Variants in STK31 observed in about 807,000 individuals in gnomAD.
The protein encoded by STK31 is serine/threonine kinase 31, also known as serine/threonine-protein kinase 31.
Under a neutral mutation model 129.7 loss-of-function variants are expected in STK31, and 89 were observed. That is an observed-to-expected ratio of 0.69 (90% confidence interval 0.58 to 0.82). STK31 has a LOEUF of 0.82. Among genes scored for constraint, STK31 ranks in the 40% least tolerant of loss-of-function variants. The pLI is 0.00. For missense variants in STK31, 1,187 were observed against 1,176.4 expected (o/e 1.01, Z -0.13); for synonymous variants, 448 against 395.3 (o/e 1.13, Z -1.58).
intron 8 of STK31, among the ~76,000 whole-genome samples, chr7:23,737,382 T>C (rs767266858): frequency 1.3e-5 from 2 of 152,240 alleles, no homozygotes; most frequent in Admixed American, 6.5e-5. Flanking sequence ...TTAATTCTCA[T>C]GTGCCCATCA....
intron 11 of STK31, among the ~76,000 whole-genome samples, chr7:23,766,492 G>A (rs1212261558): frequency 6.6e-6 from 1 of 152,164 alleles, no homozygotes; most frequent in African/African-American, 2.4e-5. Flanking sequence ...GACCTCGAGT[G>A]ATCCGCCTCT....
chr7:23,735,912 T>A lies in STK31; in HGVS notation c.842+16T>A. Reference sequence around the variant, plus strand: ...CATTTCCAAAGTAAGAATTTAGTCTTCACTAATTTCTAATTGATGGTAGAG... The same window carrying A: ...CATTTCCAAAGTAAGAATTTAGTCTACACTAATTTCTAATTGATGGTAGAG... On this transcript the variant is annotated intron_variant, in intron 7 of 23. Coordinates refer to ENST00000355870, the MANE Select transcript of STK31 (RefSeq NM_031414.5). The A allele has an allele frequency of 1.3e-6, 2 of 1,530,282 alleles. No individual in the cohort carries two copies. The highest frequency in any genetic ancestry group is 1.3e-5 in the South Asian group (1 of 79,270). The allele number at this position is 1,530,282 out of a possible 1,614,324, so 94.8% of individuals were successfully genotyped here.
intron 22 of STK31, among the ~76,000 whole-genome samples, chr7:23,806,871 G>C (rs1269627705): frequency 7.0e-6 from 1 of 142,796 alleles, no homozygotes; most frequent in East Asian, 2.0e-4. Flanking sequence ...CTGCACTCCA[G>C]CCTGGGTGAC....
chr7:23,731,141 T>C lies in STK31; in HGVS notation c.483+1892T>C, dbSNP rs1161389648. ...TCAAGAGATCCCCCTGTCTCTGCCT[T>C]CCAAAGTGCTGGGATTACAGGCATG... On this transcript the variant is annotated intron_variant, in intron 6 of 23. Coordinates refer to ENST00000355870, the MANE Select transcript of STK31 (RefSeq NM_031414.5). Among the ~76,000 whole-genome samples the C allele has an allele frequency of 3.3e-5, 5 of 151,902 alleles. No homozygotes were observed. In the East Asian group the frequency reaches 9.8e-4, roughly 30 times the overall value.
At chr7:23,801,956 A>G (rs892349190) in intron 22 of STK31, among the ~76,000 whole-genome samples, 9 of 152,208 alleles carry the variant, frequency 5.9e-5, no homozygotes, top group African/African-American at 1.7e-4. Context: ...ATGTCTTAAA[A>G]TTGGGTAGTA....
At chr7:23,796,538 G>C (rs145266004) in intron 22 of STK31, among the ~76,000 whole-genome samples, 523 of 152,068 alleles carry the variant, frequency 3.4e-3, no homozygotes, top group African/African-American at 0.012. Context: ...AGATTAACTT[G>C]TACAATGGAC....
In STK31 at chr7:23,786,874, C is replaced by T. The variant is rs777588927; in HGVS notation, c.2437C>T (p.Pro813Ser). The T allele has an allele frequency of 1.2e-6, 2 of 1,613,852 alleles. No homozygotes were observed. Among genetic ancestry groups the T allele is most frequent in the Non-Finnish European group, 1.7e-6 (2 of 1,179,920 alleles). ...PMAYLMVPYYPRANLNAVQAN... is the reference protein window; with the variant it reads ...PMAYLMVPYYSRANLNAVQAN... ...GGCTTATCTGATGGTCCCATACTAC[C>T]CTAGGGCAAACCTGAATGCTGTTCA... The change falls in exon 20 of 24, where the codon CCT becomes TCT. Residue 813 changes from proline (P) to serine (S), a missense_variant. Transcript: ENST00000355870.
intron 23 of STK31, among the ~76,000 whole-genome samples, chr7:23,816,967 A>C (rs542101297): frequency 6.6e-6 from 1 of 152,052 alleles, no homozygotes; most frequent in Non-Finnish European, 1.5e-5. Context: ...GGGCAGATCA[A>C]CTGAGGTCAG....
chr7:23,828,943 C>T (rs1794371036), intron 23 of STK31, among the ~76,000 whole-genome samples: 1 of 151,430 alleles, frequency 6.6e-6, no homozygotes, highest in Non-Finnish European at 1.5e-5. Context: ...TCGTGTTGCC[C>T]AGCTGGAGTG....
rs776684362 is a variant in STK31 at position 23,790,908 on chromosome 7, G to C, written c.2722G>C (p.Gly908Arg). ...GAAAATGGGAAAACCTGCTTCTCCA[G>C]GTTCAGACTTATATGCTTATGGCTG... ...ELKMGKPASPGSDLYAYGCLL... is the reference protein window; with the variant it reads ...ELKMGKPASPRSDLYAYGCLL... Residue 908 changes from glycine to arginine, a missense_variant, in exon 22 of 24, where the codon GGT (glycine) becomes CGT (arginine). Physicochemically the swap from Gly to Arg is moderately radical, Grantham distance 125. Coordinates refer to ENST00000355870, the MANE Select transcript of STK31 (RefSeq NM_031414.5). 4 of 1,606,486 alleles carry C rather than the reference G, an allele frequency of 2.5e-6. No individual in the cohort carries two copies. Among genetic ancestry groups the C allele is most frequent in the Non-Finnish European group, 3.4e-6 (4 of 1,177,098 alleles).
chr7:23,797,920 C>T (rs966230704), intron 22 of STK31, among the ~76,000 whole-genome samples: 3 of 152,126 alleles, frequency 2.0e-5, no homozygotes, highest in African/African-American at 7.2e-5. Context: ...AAGCAGAAAT[C>T]ACCACTGATC....
chr7:23,784,821 A>G (rs1023247789), intron 17 of STK31, among the ~76,000 whole-genome samples: 1 of 152,194 alleles, frequency 6.6e-6, no homozygotes, highest in African/African-American at 2.4e-5. Context: ...TAGCAGAAAT[A>G]TCTAGTAAAA....
At chr7:23,771,489 C>CAT (rs1790190486) in intron 14 of STK31, 1 of 156,862 alleles carries the variant, frequency 6.4e-6, no homozygotes, top group South Asian at 2.0e-4. Context: ...TGTTTGTGAG[C>CAT]ATATATATAT....
chr7:23,711,374 T>C (rs1584306227), intron 1 of STK31, among the ~76,000 whole-genome samples: 1 of 151,320 alleles, frequency 6.6e-6, no homozygotes, highest in South Asian at 2.1e-4. Context: ...GGGGTGGAGG[T>C]TGCAGTGAGC....
chr7:23,825,476 G>A (rs569659628), intron 23 of STK31, among the ~76,000 whole-genome samples: 3 of 152,142 alleles, frequency 2.0e-5, no homozygotes, highest in South Asian at 4.2e-4. Context: ...GCATCTATTT[G>A]ATTCTTCTCT....
At position 23,721,345 on chromosome 7, in the gene STK31, A is replaced by AT. The variant is rs1025594014; in HGVS notation, c.249+3768dup. Reference sequence around the variant, plus strand: ...AAATATGTCAAGTAAGCTTTTAAAGATTCAGGAAGGGGCAGCGTTGTGATT... The same window carrying AT: ...AAATATGTCAAGTAAGCTTTTAAAGATTTCAGGAAGGGGCAGCGTTGTGATT... On this transcript the variant is annotated intron_variant, in intron 4 of 23. Transcript: ENST00000355870. The AT allele has an allele frequency of 3.7e-5, 28 of 756,430 alleles. No homozygotes were observed. The African/African-American group carries it at 4.6e-4, about 12-fold the overall frequency. 46.9% of individuals were successfully genotyped at this position (756,430 alleles called of 1,614,324 possible).
At chr7:23,765,883 T>C (rs973477110) in intron 11 of STK31, among the ~76,000 whole-genome samples, 9 of 152,158 alleles carry the variant, frequency 5.9e-5, no homozygotes, top group Non-Finnish European at 1.2e-4. Flanking sequence ...TATCTGCCTT[T>C]GGTGTCTTTC....
In STK31 at chr7:23,771,004, G is replaced by A; in HGVS notation, c.1714-1G>A. 6.2e-7 allele frequency: 1 copy of A among 1,607,614 alleles called. No homozygotes were observed. Among genetic ancestry groups the A allele is most frequent in the African/African-American group, 1.3e-5 (1 of 74,620 alleles). ...AATTCTATGTGTGTGATTTCATTTA[G>A]GATCAAGGTGATGCAGACAAGGAGA... On this transcript the variant is annotated splice_acceptor_variant, in intron 13 of 23. Coordinates refer to ENST00000355870, the MANE Select transcript of STK31 (RefSeq NM_031414.5). LOFTEE classifies it high-confidence loss of function.
At chr7:23,724,080 A>G (rs1361426254) in intron 4 of STK31, among the ~76,000 whole-genome samples, 1 of 152,216 alleles carries the variant, frequency 6.6e-6, no homozygotes, top group East Asian at 1.9e-4. Flanking sequence ...TTACAGAGAG[A>G]TAAACAATTT....
Sources: allele counts gnomAD v4.1 joint callset (sites outside exome capture counted in the v4.1 genomes callset), GRCh38; gene constraint gnomAD v4.1.1; transcripts MANE v1.5; gene names NCBI Gene and HGNC (gene_info 2026-07-23, HGNC 2026-07-21).